The following CDH2 variants were observed in gnomAD, a reference collection of about 807,000 sequenced individuals.
The protein encoded by CDH2 is cadherin-2.
In CDH2, 17 loss-of-function variants were observed where a neutral mutation model predicts 92.0. That is an observed-to-expected ratio of 0.18 (90% confidence interval 0.13 to 0.28). The LOEUF (loss-of-function observed/expected upper bound fraction) is 0.28. CDH2 is among the 10% of genes least tolerant of loss of function. The pLI, the probability that CDH2 is intolerant of heterozygous loss-of-function variation, is 1.00. For synonymous variants in CDH2, 419 were observed against 415.9 expected (o/e 1.01, Z -0.09); for missense variants, 862 against 1,133.1 (o/e 0.76, Z 3.44).
chr18:28,155,629 T>C (rs1004712969), intron 1 of CDH2, among the ~76,000 whole-genome samples: 1 of 152,212 alleles, frequency 6.6e-6, no homozygotes, highest in Non-Finnish European at 1.5e-5. Context: ...ACTTTTATTA[T>C]GCGGTTATGT....
intron 2 of CDH2, among the ~76,000 whole-genome samples, chr18:28,028,895 AT>A (rs572112811): frequency 5.1e-4 from 77 of 152,284 alleles, no homozygotes; most frequent in Non-Finnish European, 9.4e-4. Context: ...CAATGAAGAT[AT>A]TCAAAGCAAT....
At chr18:28,132,601 C>G (rs2015790947) in intron 2 of CDH2, among the ~76,000 whole-genome samples, 1 of 152,146 alleles carries the variant, frequency 6.6e-6, no homozygotes, top group Non-Finnish European at 1.5e-5. Flanking sequence ...GTCAGAGGAA[C>G]AGGACTTTGA....
intron 2 of CDH2, among the ~76,000 whole-genome samples, chr18:28,132,967 T>C (rs377595461): frequency 6.6e-6 from 1 of 152,190 alleles, no homozygotes; most frequent in African/African-American, 2.4e-5. Flanking sequence ...GGGAGTATTC[T>C]CCAATTAAAA....
Position 27,952,043 on chromosome 18 carries a change from C to A in CDH2, c.*110G>T. On this transcript the variant is annotated 3_prime_UTR_variant, in exon 16 of 16. Transcript: ENST00000269141. ...TTGCAGCCTATGCCAAAGCCTCCAG[C>A]AAGCACTGTGCTAGTAGACTACAAA... The A allele has an allele frequency of 1.0e-6, 1 of 953,720 alleles. No homozygotes were observed. The highest frequency in any genetic ancestry group is 1.4e-5 in the South Asian group (1 of 70,822). 59.1% of individuals were successfully genotyped at this position (953,720 alleles called of 1,614,324 possible).
At chr18:28,056,330 T>C (rs1211970375) in intron 2 of CDH2, among the ~76,000 whole-genome samples, 1 of 152,162 alleles carries the variant, frequency 6.6e-6, no homozygotes, top group Non-Finnish European at 1.5e-5. Flanking sequence ...AACTTGGTCC[T>C]TTCTGTCAAA....
At chr18:28,076,252 C>A (rs554380246) in intron 2 of CDH2, among the ~76,000 whole-genome samples, 1 of 152,128 alleles carries the variant, frequency 6.6e-6, no homozygotes, top group African/African-American at 2.4e-5. Context: ...TCTAGACTAA[C>A]ATTTTGTTAC....
intron 1 of CDH2, among the ~76,000 whole-genome samples, chr18:28,155,734 G>A (rs2016199209): frequency 1.3e-5 from 2 of 152,202 alleles, no homozygotes; most frequent in Admixed American, 6.5e-5. Context: ...CACTGTTCGA[G>A]AACATTCAGC....
Position 27,963,441 on chromosome 18 carries a change from A to T in CDH2, c.2430T>A (p.Asp810Glu). 6.2e-7 allele frequency: 1 copy of T among 1,614,058 alleles called. No homozygotes were observed. Among genetic ancestry groups the T allele is most frequent in the Non-Finnish European group, 8.5e-7 (1 of 1,180,002 alleles). ...GGGGCTCGGCGTGGATGGGTCTTTC[A>T]TCCATTCGTCGGATTCCCACAGGCT... ...AIKPVGIRRM[D>E]ERPIHAEPQY... Residue 810 changes from aspartate (D) to glutamate (E), a missense_variant, in exon 15 of 16, where the codon GAT (aspartate) becomes GAA (glutamate). Physicochemically the swap from Asp to Glu is conservative, Grantham distance 45. Coordinates refer to ENST00000269141, the MANE Select transcript of CDH2 (RefSeq NM_001792.5).
chr18:28,107,244 A>G (rs968225043), intron 2 of CDH2, among the ~76,000 whole-genome samples: 23 of 152,042 alleles, frequency 1.5e-4, no homozygotes, highest in African/African-American at 5.1e-4. Context: ...ATGTAAAGAA[A>G]GAAGACACCT....
At position 28,141,285 on chromosome 18, in the gene CDH2, C is replaced by T. The variant is rs971975763; in HGVS notation, c.172+6388G>A. ...GTAATAATACAAGCTAGTATATGAA[C>T]AAACTCCAAAATATTATGCTAAATG... On this transcript the variant is annotated intron_variant, in intron 2 of 15. Coordinates refer to ENST00000269141, the MANE Select transcript of CDH2 (RefSeq NM_001792.5). Among the ~76,000 whole-genome samples, 38 of 151,842 alleles carry T rather than the reference C, an allele frequency of 2.5e-4. 1 individual carries two copies. Among genetic ancestry groups the T allele is most frequent in the Non-Finnish European group, 7.4e-5 (5 of 67,908 alleles).
intron 2 of CDH2, among the ~76,000 whole-genome samples, chr18:28,043,517 A>G (rs867809928): frequency 8.4e-6 from 1 of 118,748 alleles, no homozygotes; most frequent in Non-Finnish European, 1.8e-5. Flanking sequence ...TATATATATA[A>G]ACAGGTTTGA....
chr18:28,056,547 A>G (rs1440292484), intron 2 of CDH2, among the ~76,000 whole-genome samples: 1 of 152,098 alleles, frequency 6.6e-6, no homozygotes, highest in African/African-American at 2.4e-5. Context: ...ACAATTATGT[A>G]ACTTTCTTTA....
At chr18:28,114,360 C>T (rs947092852) in intron 2 of CDH2, among the ~76,000 whole-genome samples, 1 of 151,978 alleles carries the variant, frequency 6.6e-6, no homozygotes, top group Non-Finnish European at 1.5e-5. Flanking sequence ...TTAGATGGGG[C>T]AAGAGAACTG....
At chr18:28,096,041 G>A (rs1002915409) in intron 2 of CDH2, among the ~76,000 whole-genome samples, 1 of 152,142 alleles carries the variant, frequency 6.6e-6, no homozygotes, top group Non-Finnish European at 1.5e-5. Context: ...AGGTCACTGT[G>A]AGGGTGATTC....
At chr18:28,045,598 A>G in intron 2 of CDH2, 2 of 322,402 alleles carry the variant, frequency 6.2e-6, no homozygotes, top group Non-Finnish European at 1.2e-5. Flanking sequence ...ACTCTTACTT[A>G]AGCACCTGGG....
intron 7 of CDH2, among the ~76,000 whole-genome samples, chr18:28,002,357 C>G (rs922212365): frequency 5.9e-5 from 9 of 152,304 alleles, no homozygotes; most frequent in African/African-American, 2.2e-4. Context: ...GACTGTGATA[C>G]TGCATAGTAT....
chr18:28,031,582 C>T (rs2013697091), intron 2 of CDH2, among the ~76,000 whole-genome samples: 1 of 152,026 alleles, frequency 6.6e-6, no homozygotes, highest in South Asian at 2.1e-4. Flanking sequence ...TCTACAGTTA[C>T]ATATGTTTTC....
At chr18:28,078,643 G>A (rs2014770542) in intron 2 of CDH2, among the ~76,000 whole-genome samples, 1 of 151,082 alleles carries the variant, frequency 6.6e-6, no homozygotes, top group Non-Finnish European at 1.5e-5. Flanking sequence ...TTCCAATACA[G>A]TGCTCCTCCA....
chr18:27,949,881 C>G (rs917281050), downstream of CDH2, among the ~76,000 whole-genome samples: 6 of 151,686 alleles, frequency 4.0e-5, no homozygotes, highest in Admixed American at 2.6e-4. Context: ...AAAGTTTATA[C>G]ATATACACAC....
Sources: allele counts gnomAD v4.1 joint callset (sites outside exome capture counted in the v4.1 genomes callset), GRCh38; gene constraint gnomAD v4.1.1; transcripts MANE v1.5; gene names NCBI Gene and HGNC (gene_info 2026-07-23, HGNC 2026-07-21).